The following PDE10A variants were observed in gnomAD, a reference collection of about 807,000 sequenced individuals.
PDE10A encodes phosphodiesterase 10A.
A neutral mutation model predicts 97.7 loss-of-function variants in PDE10A; 39 were observed. The ratio of observed to expected loss-of-function variants is 0.40; its 90% CI spans 0.31 to 0.52. The LOEUF (loss-of-function observed/expected upper bound fraction) is 0.52, where lower values mean the gene tolerates loss of function less well. Ranked by LOEUF, PDE10A falls within the 20% of genes least tolerant of loss-of-function variation. The probability of loss-of-function intolerance (pLI) is 0.56; values close to 1 mark genes in which losing one functional copy is unlikely to be tolerated. For missense variants in PDE10A, 731 were observed against 1,047.8 expected, an observed-to-expected ratio of 0.70 and a Z score of 4.17; for synonymous variants, 371 against 376.8, an observed-to-expected ratio of 0.98 and a Z score of 0.18.
At chr6:165,423,524 C>T (rs1014149350) in intron 10 of PDE10A, among the ~76,000 whole-genome samples, 4 of 152,084 alleles carry the variant, frequency 2.6e-5, no homozygotes, top group African/African-American at 9.7e-5. Flanking sequence ...CAGCATCAAC[C>T]TATTGAGAAG....
chr6:165,510,361 A>G (rs939071206), intron 2 of PDE10A, among the ~76,000 whole-genome samples: 1 of 152,052 alleles, frequency 6.6e-6, no homozygotes. Context: ...CCATCCTTGC[A>G]TCCCTAGTAT....
At chr6:165,644,743 C>T (rs1037268478) in intron 1 of PDE10A, among the ~76,000 whole-genome samples, 1 of 152,206 alleles carries the variant, frequency 6.6e-6, no homozygotes, top group Non-Finnish European at 1.5e-5. Context: ...CAGGGGTAGC[C>T]TTCCCCTGTG....
intron 1 of PDE10A, among the ~76,000 whole-genome samples, chr6:165,676,136 C>G (rs1482969684): frequency 6.6e-6 from 1 of 152,170 alleles, no homozygotes; most frequent in Admixed American, 6.5e-5. Flanking sequence ...ACCAAGAAGT[C>G]AAGCACTGCA....
chr6:165,524,838 G>A (rs1271599386), intron 2 of PDE10A, among the ~76,000 whole-genome samples: 1 of 152,178 alleles, frequency 6.6e-6, no homozygotes, highest in Admixed American at 6.5e-5. Context: ...TACTTGGAAT[G>A]GGGACATAGA....
intron 1 of PDE10A, among the ~76,000 whole-genome samples, chr6:165,622,085 TCTC>T (rs1275793532): frequency 2.0e-5 from 3 of 152,104 alleles, no homozygotes; most frequent in African/African-American, 4.8e-5. Flanking sequence ...AGGAAGAAAT[TCTC>T]CTCAAGACTG....
At position 165,722,724 on chromosome 6, in the gene PDE10A, G is replaced by A. The variant is rs114889698; in HGVS notation, c.-614-179156C>T. Among the ~76,000 whole-genome samples, 360 of 152,154 alleles carry A rather than the reference G, an allele frequency of 2.4e-3. 4 individuals carry two copies. The highest frequency in any genetic ancestry group is 0.014 in the Middle Eastern group (4 of 294). On this transcript the variant is annotated intron_variant, in intron 1 of 19. Coordinates refer to the PDE10A transcript ENST00000366882. ...GGTGTCTACTGTACTTGTGAAGTCC[G>A]GTAAAGACATGTACGTAAGTTATAT... is the stretch of plus-strand genomic sequence containing the variant.
At chr6:165,482,500 GAACAT>G (rs1277625044) in intron 2 of PDE10A, among the ~76,000 whole-genome samples, 157 bp from the exon 3 acceptor site, 2 of 152,254 alleles carry the variant, frequency 1.3e-5, no homozygotes, top group South Asian at 2.1e-4. Flanking sequence ...TGTAAAGGTT[GAACAT>G]AACATATTAC....
chr6:165,642,449 G>A (rs552258850), intron 1 of PDE10A, among the ~76,000 whole-genome samples: 49 of 152,306 alleles, frequency 3.2e-4, no homozygotes, highest in African/African-American at 1.1e-3. Context: ...CCACATTAAC[G>A]TGGAATTAAA....
intron 1 of PDE10A, among the ~76,000 whole-genome samples, chr6:165,917,178 A>C (rs1782628791): frequency 6.6e-6 from 1 of 152,150 alleles, no homozygotes; most frequent in Non-Finnish European, 1.5e-5. Flanking sequence ...CCCAGGGAGC[A>C]AGAGGGAGGT....
chr6:165,880,744 C>A (rs890619440), intron 1 of PDE10A, among the ~76,000 whole-genome samples: 1 of 152,224 alleles, frequency 6.6e-6, no homozygotes, highest in Non-Finnish European at 1.5e-5. Flanking sequence ...AAAATCATAC[C>A]ATGTGAAGAC....
At chr6:165,795,285 G>C (rs578161235) in intron 1 of PDE10A, among the ~76,000 whole-genome samples, 1 of 152,198 alleles carries the variant, frequency 6.6e-6, no homozygotes, top group South Asian at 2.1e-4. Flanking sequence ...GCTCTGTTTA[G>C]TCAGTTGGCC....
chr6:165,437,362 T>C (rs911413860), intron 5 of PDE10A, among the ~76,000 whole-genome samples: 1 of 152,190 alleles, frequency 6.6e-6, no homozygotes, highest in Non-Finnish European at 1.5e-5. Context: ...TAGATGATCA[T>C]ATAGTCAGTA....
intron 1 of PDE10A, among the ~76,000 whole-genome samples, chr6:165,896,946 A>G (rs1304009368): frequency 6.6e-6 from 1 of 152,132 alleles, no homozygotes; most frequent in Non-Finnish European, 1.5e-5. Context: ...CTGGGATTAC[A>G]TGCATGAGCC....
chr6:165,601,131 A>G (rs1158424502), intron 1 of PDE10A, among the ~76,000 whole-genome samples: 1 of 152,140 alleles, frequency 6.6e-6, no homozygotes, highest in Non-Finnish European at 1.5e-5. Flanking sequence ...GTCTCATGAA[A>G]TCTGATGGGT....
At chr6:165,468,106 T>C (rs1220814797) in intron 3 of PDE10A, among the ~76,000 whole-genome samples, 1 of 152,102 alleles carries the variant, frequency 6.6e-6, no homozygotes, top group African/African-American at 2.4e-5. Flanking sequence ...TGAGACAGAG[T>C]CTCACTCTGT....
intron 1 of PDE10A, among the ~76,000 whole-genome samples, chr6:165,866,172 G>A (rs1442619441): frequency 1.3e-5 from 2 of 152,068 alleles, no homozygotes; most frequent in African/African-American, 4.8e-5. Flanking sequence ...CCAAGTATAT[G>A]TTTCCACAAG....
chr6:165,907,493 C>T (rs1055113816), intron 1 of PDE10A, among the ~76,000 whole-genome samples: 2 of 152,240 alleles, frequency 1.3e-5, no homozygotes, highest in Non-Finnish European at 2.9e-5. Flanking sequence ...GCCGCACTCT[C>T]TCTGCAGACT....
chr6:165,633,094 A>C (rs1271326484), intron 1 of PDE10A, among the ~76,000 whole-genome samples: 1 of 152,068 alleles, frequency 6.6e-6, no homozygotes, highest in Non-Finnish European at 1.5e-5. Flanking sequence ...AAAAAAAAGA[A>C]AAGAAAAAAG....
intron 17 of PDE10A, among the ~76,000 whole-genome samples, chr6:165,382,930 C>A (rs1205724546): frequency 6.6e-6 from 1 of 152,060 alleles, no homozygotes; most frequent in Non-Finnish European, 1.5e-5. Context: ...TTTAGATTAC[C>A]AGTACAGGTA....
Sources: gnomAD v4.1 joint callset for allele counts (sites outside exome capture counted in the v4.1 genomes callset) on GRCh38, gnomAD v4.1.1 for gene constraint, MANE v1.5 for transcripts, NCBI Gene and HGNC (gene_info 2026-07-23, HGNC 2026-07-21) for gene names.